Variants in ENKD1 observed in about 807,000 individuals in gnomAD.
The protein encoded by ENKD1 is enkurin domain containing 1.
Under a neutral mutation model 35.8 loss-of-function variants are expected in ENKD1, and 39 were observed. The ratio of observed to expected loss-of-function variants is 1.09; its 90% CI spans 0.84 to 1.42. The LOEUF (loss-of-function observed/expected upper bound fraction) is 1.42, where lower values mean the gene tolerates loss of function less well. Among genes scored for constraint, ENKD1 ranks in the 40% most tolerant of loss-of-function variants. ENKD1 has a pLI of 0.00. For missense variants in ENKD1, 474 were observed against 471.3 expected, an observed-to-expected ratio of 1.01 and a Z score of -0.05; for synonymous variants, 205 against 198.6, an observed-to-expected ratio of 1.03 and a Z score of -0.27.
intron 4 of ENKD1, 33 bp downstream of exon 4, chr16:67,663,904 C>T: frequency 6.2e-7 from 1 of 1,605,830 alleles, no homozygotes; most frequent in Non-Finnish European, 8.5e-7. Context: ...GAGCCCTGCC[C>T]AACCACCATC....
intron 6 of ENKD1, 32 bp downstream of exon 6, chr16:67,663,388 C>T (rs2053056877): frequency 1.2e-6 from 2 of 1,611,334 alleles, no homozygotes; most frequent in East Asian, 4.5e-5. Flanking sequence ...CCCAGTGGGG[C>T]CCCCCTCCAG....
rs763123152 is a variant in ENKD1 at position 67,666,397 on chromosome 16, G to A, written c.46C>T (p.Pro16Ser). 3 of 1,565,240 alleles carry A rather than the reference G, an allele frequency of 1.9e-6. No homozygotes were observed. The South Asian group carries it at 3.4e-5, about 18-fold the overall frequency. The change falls in exon 1 of 7, where the codon CCG becomes TCG. Residue 16 changes from proline to serine, a missense_variant. Physicochemically the swap from Pro to Ser is moderately conservative, Grantham distance 74. Coordinates refer to ENST00000243878, the MANE Select transcript of ENKD1 (RefSeq NM_032140.3). Reference sequence around the variant, plus strand: ...CTGTAGTTGTCAGGACAGAGCGTCGGGTCTGGGGGGATGGGCCCCGAGATG... The same window carrying A: ...CTGTAGTTGTCAGGACAGAGCGTCGAGTCTGGGGGGATGGGCCCCGAGATG... Reference protein sequence around the residue: ...SRISGPIPPDPTLCPDNYRRP... With the variant: ...SRISGPIPPDSTLCPDNYRRP...
chr16:67,665,380 T>C (rs1201190557), intron 2 of ENKD1, among the ~76,000 whole-genome samples: 1 of 152,042 alleles, frequency 6.6e-6, no homozygotes, highest in Non-Finnish European at 1.5e-5. Flanking sequence ...TTATTATTAT[T>C]ATTATTATTA....
chr16:67,664,300 C>T (rs2053072228), intron 3 of ENKD1: 1 of 610,358 alleles, frequency 1.6e-6, no homozygotes, highest in Non-Finnish European at 3.0e-6. Flanking sequence ...ACTCTCTTTC[C>T]TCCTTCCTAG....
At chr16:67,665,361 T>C (rs2053087722) in intron 2 of ENKD1, among the ~76,000 whole-genome samples, 193 bp from the exon 3 acceptor site, 1 of 151,880 alleles carries the variant, frequency 6.6e-6, no homozygotes, top group African/African-American at 2.4e-5. Flanking sequence ...CACAGGATGA[T>C]TTTCTCCATT....
In ENKD1 at chr16:67,666,097, G is replaced by A. The variant is rs768145491; in HGVS notation, c.254C>T (p.Ser85Phe). ...CTTGAGAGAGGCCCCAGGACCTAGG[G>A]AGATCCCCTCGAGTTGCAACAGCAC... ...GDVLLQLEGI[S>F]LGPGASLKRK... The change falls in exon 2 of 7, where the codon TCC (serine) becomes TTC (phenylalanine). Residue 85 changes from serine to phenylalanine, a missense_variant. Transcript: ENST00000243878. The A allele has an allele frequency of 1.9e-6, 3 of 1,612,682 alleles. No individual in the cohort carries two copies. In the Admixed American group the frequency reaches 5.0e-5, roughly 27 times the overall value.
intron 2 of ENKD1, 84 bp from the exon 3 acceptor site, chr16:67,665,252 C>G: frequency 6.8e-7 from 1 of 1,474,266 alleles, no homozygotes; most frequent in South Asian, 1.3e-5. Context: ...GGCCTGCCCC[C>G]TGCCTCCTAC....
At chr16:67,664,189 G>T in intron 3 of ENKD1, 127 bp from the exon 4 acceptor site, 1 of 809,002 alleles carries the variant, frequency 1.2e-6, no homozygotes, top group Non-Finnish European at 2.1e-6. Flanking sequence ...CCCTCTTCAA[G>T]GGACACTTGT....
chr16:67,666,098 A>C lies in ENKD1; in HGVS notation c.253T>G (p.Ser85Ala), dbSNP rs150409822. The change falls in exon 2 of 7, where the codon TCC becomes GCC. Residue 85 changes from serine to alanine, a missense_variant. Ser to Ala is a moderately conservative substitution (Grantham distance 99). Coordinates refer to ENST00000243878, the MANE Select transcript of ENKD1 (RefSeq NM_032140.3). ...GDVLLQLEGI[S>A]LGPGASLKRK... Reference sequence around the variant, plus strand: ...TTGAGAGAGGCCCCAGGACCTAGGGAGATCCCCTCGAGTTGCAACAGCACG... The same window carrying C: ...TTGAGAGAGGCCCCAGGACCTAGGGCGATCCCCTCGAGTTGCAACAGCACG... 7.4e-6 allele frequency: 12 copies of C among 1,612,656 alleles called. No individual in the cohort carries two copies. The African/African-American group carries it at 1.5e-4, about 20-fold the overall frequency.
At chr16:67,665,261 A>G (rs1057054475) in intron 2 of ENKD1, 93 bp from the exon 3 acceptor site, 3 of 1,436,134 alleles carry the variant, frequency 2.1e-6, no homozygotes, top group Non-Finnish European at 2.8e-6. Flanking sequence ...CCTGCCTCCT[A>G]CAGAAAGAGC....
Position 67,666,246 on chromosome 16 carries a change from T to TC in ENKD1, c.104dup (p.Asn36LysfsTer63), listed in dbSNP as rs750898177. The TC allele has an allele frequency of 6.2e-7, 1 of 1,605,148 alleles. No individual in the cohort carries two copies. The highest frequency in any genetic ancestry group is 8.5e-7 in the Non-Finnish European group (1 of 1,175,466). On this transcript the variant is annotated frameshift_variant, in exon 2 of 7. Transcript: ENST00000243878. LOFTEE classifies it high-confidence loss of function. The stretch of plus-strand genomic sequence containing the variant: ...TCAGCAAGTCCAGCTTCAGCGCGTT[T>TC]CCCTCGAGGCGCCCTTGAGCTGTGG...
intron 3 of ENKD1, among the ~76,000 whole-genome samples, chr16:67,664,677 G>A (rs2053076178): frequency 6.6e-6 from 1 of 152,166 alleles, no homozygotes; most frequent in South Asian, 2.1e-4. Flanking sequence ...TGACTTCTTG[G>A]CCTAACTTCA....
chr16:67,663,727 G>C lies in ENKD1; in HGVS notation c.673C>G (p.Gln225Glu). ...GCCTGCCGCTGCTGCTCTAGCACTTGTGCCAGGACCTGCAGTGAGCAGGAA... is the reference window on the plus strand; with the variant it reads ...GCCTGCCGCTGCTGCTCTAGCACTTCTGCCAGGACCTGCAGTGAGCAGGAA... The part of the protein sequence containing the change: ...RHSCSLQVLA[Q>E]VLEQQRQAQE... Residue 225 changes from glutamine to glutamate, a missense_variant, in exon 5 of 7, where the codon CAA becomes GAA. Gln to Glu is a conservative substitution (Grantham distance 29, BLOSUM62 2). Transcript: ENST00000243878. 1.9e-6 allele frequency: 3 copies of C among 1,612,946 alleles called. No homozygotes were observed. The highest frequency in any genetic ancestry group is 2.5e-6 in the Non-Finnish European group (3 of 1,179,542).
Position 67,663,437 on chromosome 16 carries a change from A to G in ENKD1, c.863T>C (p.Leu288Pro). 3 of 1,613,248 alleles carry G rather than the reference A, an allele frequency of 1.9e-6. No individual in the cohort carries two copies. The highest frequency in any genetic ancestry group is 2.5e-6 in the Non-Finnish European group (3 of 1,179,896). Residue 288 changes from leucine to proline, a missense_variant, in exon 6 of 7, where the codon CTG (leucine) becomes CCG (proline). By Grantham distance (98) the Leu-to-Pro change is moderately conservative. Transcript: ENST00000243878. ...RMPENQRLET[L>P]TKLLQSQSQL... is the part of the protein sequence containing the mutation. ...GTACTCACTCTGGAGCAGCTTGGTC[A>G]GTGTTTCCAGCCGCTGGTTCTCAGG... is the stretch of plus-strand genomic sequence containing the variant.
At chr16:67,664,369 A>C in intron 3 of ENKD1, 5 of 446,428 alleles carry the variant, frequency 1.1e-5, no homozygotes, top group African/African-American at 2.0e-5. Context: ...AAGTCCTCAA[A>C]TCCAGGCGGT....
chr16:67,665,208 C>T (rs2142986352), intron 2 of ENKD1, 40 bp from the exon 3 acceptor site: 1 of 1,573,322 alleles, frequency 6.4e-7, no homozygotes, highest in Non-Finnish European at 8.6e-7. Context: ...CTACATGGGG[C>T]CCACACAGTC....
Position 67,666,224 on chromosome 16 carries a change from G to T in ENKD1, c.127C>A (p.Leu43Met). 6.2e-7 allele frequency: 1 copy of T among 1,608,350 alleles called. No homozygotes were observed. Among genetic ancestry groups the T allele is most frequent in the Non-Finnish European group, 8.5e-7 (1 of 1,177,116 alleles). Reference sequence around the variant, plus strand: ...GTGTCCAGGGCCCGGTCGGAAGTCAGCAAGTCCAGCTTCAGCGCGTTTCCC... The same window carrying T: ...GTGTCCAGGGCCCGGTCGGAAGTCATCAAGTCCAGCTTCAGCGCGTTTCCC... ...LEGNALKLDLLTSDRALDTTA... is the reference protein window; with the variant it reads ...LEGNALKLDLMTSDRALDTTA... Residue 43 changes from leucine to methionine, a missense_variant, in exon 2 of 7, where the codon CTG becomes ATG. Physicochemically the swap from Leu to Met is conservative, Grantham distance 15 (BLOSUM62 2). Transcript: ENST00000243878.
Position 67,666,270 on chromosome 16 carries a change from GGGGCGGAGCC to G in ENKD1, c.86-15_86-6del, listed in dbSNP as rs758835205. ...TTCCCTCGAGGCGCCCTTGAGCTGTGGGGCGGAGCCGGGCGGAGTCCGGGGCTCAGAGGTG... is the reference window on the plus strand; with the variant it reads ...TTCCCTCGAGGCGCCCTTGAGCTGTGGGGCGGAGTCCGGGGCTCAGAGGTG... On this transcript the variant is annotated splice_region_variant and splice_polypyrimidine_tract_variant and intron_variant, in intron 1 of 6. Coordinates refer to ENST00000243878, the MANE Select transcript of ENKD1 (RefSeq NM_032140.3). 53 of 1,601,938 alleles carry G rather than the reference GGGGCGGAGCC, an allele frequency of 3.3e-5. No homozygotes were observed. Among genetic ancestry groups the G allele is most frequent in the Non-Finnish European group, 4.3e-5 (51 of 1,175,118 alleles).
Position 67,666,238 on chromosome 16 carries a change from A to G in ENKD1, c.113T>C (p.Leu38Pro). The G allele has an allele frequency of 1.2e-6, 2 of 1,606,438 alleles. No individual in the cohort carries two copies. Among genetic ancestry groups the G allele is most frequent in the Admixed American group, 1.7e-5 (1 of 59,470 alleles). ...SAQGRLEGNA[L>P]KLDLLTSDRA... ...GTCGGAAGTCAGCAAGTCCAGCTTC[A>G]GCGCGTTTCCCTCGAGGCGCCCTTG... Residue 38 changes from leucine to proline, a missense_variant, in exon 2 of 7, where the codon CTG becomes CCG. Physicochemically the swap from Leu to Pro is moderately conservative, Grantham distance 98. Coordinates refer to ENST00000243878, the MANE Select transcript of ENKD1 (RefSeq NM_032140.3).
Sources: gnomAD v4.1 joint callset for allele counts (sites outside exome capture counted in the v4.1 genomes callset) on GRCh38, gnomAD v4.1.1 for gene constraint, MANE v1.5 for transcripts, NCBI Gene and HGNC (gene_info 2026-07-23, HGNC 2026-07-21) for gene names.